Variants in EFNA5 observed in about 807,000 individuals in gnomAD.
EFNA5 encodes ephrin-A5.
Under a neutral mutation model 22.9 loss-of-function variants are expected in EFNA5, and 5 were observed. The observed-to-expected ratio is 0.22, with a 90% CI of 0.11 to 0.46. The LOEUF is 0.46. Among genes scored for constraint, EFNA5 ranks in the 20% least tolerant of loss-of-function variants. The pLI, the probability that EFNA5 is intolerant of heterozygous loss-of-function variation, is 0.99. For synonymous variants in EFNA5, 113 were observed against 112.2 expected (o/e 1.01, Z -0.04); for missense variants, 237 against 293.3 (o/e 0.81, Z 1.40).
intron 1 of EFNA5, among the ~76,000 whole-genome samples, chr5:107,625,968 T>G (rs17160272): frequency 0.38 from 58,330 of 152,056 alleles, 11,394 homozygotes; most frequent in South Asian, 0.54. Flanking sequence ...TACAGACACA[T>G]TGAAAGCCAA....
intron 1 of EFNA5, among the ~76,000 whole-genome samples, chr5:107,534,379 A>C (rs1747888935): frequency 6.6e-6 from 1 of 152,372 alleles, no homozygotes; most frequent in East Asian, 1.9e-4. Context: ...CAACACATGC[A>C]AACTGCATGA....
intron 1 of EFNA5, among the ~76,000 whole-genome samples, chr5:107,607,884 C>T (rs1749755589): frequency 6.6e-6 from 1 of 152,142 alleles, no homozygotes; most frequent in Non-Finnish European, 1.5e-5. Context: ...ATTTCCTCCT[C>T]CCCCTAACAC....
chr5:107,527,920 A>G (rs1747730353), intron 1 of EFNA5, among the ~76,000 whole-genome samples: 1 of 152,296 alleles, frequency 6.6e-6, no homozygotes, highest in African/African-American at 2.4e-5. Flanking sequence ...AAAATGTCAC[A>G]ACTTTCTCCC....
rs762750294 is a variant in EFNA5, at chr5:107,427,418, T to C, written c.217A>G (p.Lys73Glu). ...ATGTAGAGGACATAGCGCTCAGTCT[T>C]ATCTTCTGGGACGGAGTCCTCATAG... ...PHYEDSVPED[K>E]TERYVLYMVN... The change falls in exon 2 of 5, where the codon AAG (lysine) becomes GAG (glutamate). Residue 73 changes from lysine to glutamate, a missense_variant. Around this residue, in one of 3 missense-constraint regions of EFNA5, gnomAD observed 120 missense variants for 140.5 expected, o/e 0.85. Transcript: ENST00000333274. The C allele has an allele frequency of 1.2e-6, 2 of 1,614,080 alleles. No homozygotes were observed. The highest frequency in any genetic ancestry group is 2.2e-5 in the East Asian group (1 of 44,874).
At chr5:107,561,238 G>A (rs367760060) in intron 1 of EFNA5, among the ~76,000 whole-genome samples, 2 of 152,170 alleles carry the variant, frequency 1.3e-5, no homozygotes, top group African/African-American at 4.8e-5. Context: ...GGTCTTTACA[G>A]GGTCATTAGT....
intron 1 of EFNA5, among the ~76,000 whole-genome samples, chr5:107,507,023 A>G (rs577876992): frequency 6.6e-6 from 1 of 152,322 alleles, no homozygotes; most frequent in South Asian, 2.1e-4. Context: ...AATACAGAAT[A>G]TGGATTAGAG....
intron 1 of EFNA5, among the ~76,000 whole-genome samples, chr5:107,609,747 C>T (rs1036533189): frequency 6.6e-6 from 1 of 152,066 alleles, no homozygotes; most frequent in African/African-American, 2.4e-5. Context: ...CACAGGCCTC[C>T]AAACACACAG....
chr5:107,395,078 G>A lies in EFNA5; in HGVS notation c.419-7307C>T, dbSNP rs183413172. ...CCGCGAGACAGTGTCTCATTCTGTCGCCCAGGCTGGAGTGCAGTGGTGTAA... is the reference window on the plus strand; with the variant it reads ...CCGCGAGACAGTGTCTCATTCTGTCACCCAGGCTGGAGTGCAGTGGTGTAA... On this transcript the variant is annotated intron_variant, in intron 2 of 4. Coordinates refer to ENST00000333274, the MANE Select transcript of EFNA5 (RefSeq NM_001962.3). 2.3e-3 allele frequency among the ~76,000 whole-genome samples: 274 copies of A among 116,838 alleles called. 1 individual carries two copies. Among genetic ancestry groups the A allele is most frequent in the Middle Eastern group, 0.018 (2 of 110 alleles). The allele number at this position is 116,838 out of a possible 152,430, so 76.7% of individuals were successfully genotyped here. A position where few individuals can be genotyped will look rare whatever the true frequency, so the allele number is the denominator to read the frequency against.
chr5:107,382,165 A>G (rs1747485066), intron 4 of EFNA5, among the ~76,000 whole-genome samples: 6 of 152,128 alleles, frequency 3.9e-5, no homozygotes. Flanking sequence ...TTAGCTATAA[A>G]GTGTTCTATG....
At chr5:107,513,807 G>A (rs543404527) in intron 1 of EFNA5, among the ~76,000 whole-genome samples, 5 of 152,104 alleles carry the variant, frequency 3.3e-5, no homozygotes, top group Non-Finnish European at 5.9e-5. Flanking sequence ...CTCAGAGGGA[G>A]GGACAGAAAT....
chr5:107,559,589 C>A (rs994653160), intron 1 of EFNA5, among the ~76,000 whole-genome samples: 2 of 152,124 alleles, frequency 1.3e-5, no homozygotes, highest in Non-Finnish European at 2.9e-5. Flanking sequence ...TGTTTATGTT[C>A]ATTTCACTAC....
intron 1 of EFNA5, among the ~76,000 whole-genome samples, chr5:107,588,155 C>A (rs975214487): frequency 2.0e-5 from 3 of 152,092 alleles, no homozygotes; most frequent in African/African-American, 7.2e-5. Context: ...AACCCATTAT[C>A]TGGAAAGAGT....
At chr5:107,633,519 G>A (rs576396541) in intron 1 of EFNA5, among the ~76,000 whole-genome samples, 16 of 152,192 alleles carry the variant, frequency 1.1e-4, no homozygotes, top group South Asian at 4.1e-4. Flanking sequence ...CATTACTTCC[G>A]CTTTTCTAAC....
intron 1 of EFNA5, 151 bp downstream of exon 1, chr5:107,670,338 C>T: frequency 9.5e-7 from 1 of 1,051,714 alleles, no homozygotes; most frequent in Non-Finnish European, 1.3e-6. Context: ...CGAGCGCTTC[C>T]CGCCGACGCC....
intron 1 of EFNA5, among the ~76,000 whole-genome samples, chr5:107,492,255 T>C (rs1746826406): frequency 1.3e-5 from 2 of 152,050 alleles, no homozygotes; most frequent in African/African-American, 2.4e-5. Flanking sequence ...ATCTAACCTT[T>C]AAAAAAAATA....
chr5:107,561,090 G>A (rs1485062180), intron 1 of EFNA5, among the ~76,000 whole-genome samples: 1 of 152,068 alleles, frequency 6.6e-6, no homozygotes, highest in Non-Finnish European at 1.5e-5. Flanking sequence ...ACTATCCTAG[G>A]TTCCCCAAAC....
intron 1 of EFNA5, among the ~76,000 whole-genome samples, chr5:107,453,321 A>T (rs1580461201): frequency 6.6e-6 from 1 of 152,182 alleles, no homozygotes; most frequent in East Asian, 1.9e-4. Flanking sequence ...CCACCAGAAT[A>T]ATATAATAAA....
chr5:107,404,162 C>G (rs992715541), intron 2 of EFNA5, among the ~76,000 whole-genome samples: 7 of 152,194 alleles, frequency 4.6e-5, no homozygotes, highest in African/African-American at 1.7e-4. Context: ...ATGGTTCAAG[C>G]TCGAAATGAT....
intron 1 of EFNA5, among the ~76,000 whole-genome samples, chr5:107,570,634 T>C (rs1156974844): frequency 1.5e-5 from 2 of 136,612 alleles, no homozygotes; most frequent in African/African-American, 2.8e-5. Context: ...ACTTTTAAAA[T>C]GAAAAAGTGT....
Sources: allele counts gnomAD v4.1 joint callset (sites outside exome capture counted in the v4.1 genomes callset), GRCh38; gene constraint gnomAD v4.1.1; regional missense constraint gnomAD v4.1.1; transcripts MANE v1.5; gene names NCBI Gene and HGNC (gene_info 2026-07-23, HGNC 2026-07-21).